The following IRF3 variants were observed in gnomAD, a reference collection of about 807,000 sequenced individuals.
The protein encoded by IRF3 is interferon regulatory factor 3.
IRF3 carries 29 observed loss-of-function variants against 43.2 expected under a neutral mutation model. The observed-to-expected ratio is 0.67, with a 90% CI of 0.50 to 0.91. The LOEUF is 0.91. Ranked by LOEUF, IRF3 falls within the 40% of genes least tolerant of loss-of-function variation. The probability of loss-of-function intolerance (pLI) is 0.00; values close to 1 mark genes in which losing one functional copy is unlikely to be tolerated. For missense variants in IRF3, 505 were observed against 559.1 expected (o/e 0.90, Z 0.98); for synonymous variants, 228 against 233.9 (o/e 0.97, Z 0.23).
chr19:49,665,804 G>T lies in IRF3; in HGVS notation c.-182C>A. On this transcript the variant is annotated 5_prime_UTR_variant, in exon 1 of 8. Transcript: ENST00000377139. ...ATAAAACCAACTTTATCATTCTTTGGGTAACAGACCCAAAAGCCGATGGGA... is the reference window on the plus strand; with the variant it reads ...ATAAAACCAACTTTATCATTCTTTGTGTAACAGACCCAAAAGCCGATGGGA... 2 of 1,577,828 alleles carry T rather than the reference G, an allele frequency of 1.3e-6. No homozygotes were observed. The highest frequency in any genetic ancestry group is 2.2e-5 in the South Asian group (2 of 89,724).
chr19:49,663,609 C>T, intron 2 of IRF3, 95 bp from the exon 3 acceptor site: 1 of 1,210,250 alleles, frequency 8.3e-7, no homozygotes, highest in Non-Finnish European at 1.2e-6. Flanking sequence ...ACACCACCCT[C>T]TTTCCCTGGC....
chr19:49,664,284 T>C (rs2081519636), intron 2 of IRF3, among the ~76,000 whole-genome samples: 1 of 151,906 alleles, frequency 6.6e-6, no homozygotes, highest in Admixed American at 6.6e-5. Context: ...TTACCACCTC[T>C]GGCATATACT....
In IRF3 at chr19:49,660,749, C is replaced by T. The variant is rs773201962; in HGVS notation, c.1062G>A (p.Gln354=). The change falls in exon 7 of 8, where the codon CAG becomes CAA. Residue 354 remains glutamine (Q), a synonymous_variant. Coordinates refer to ENST00000377139, the MANE Select transcript of IRF3 (RefSeq NM_001571.6). ...LWFCVGESWP[Q]DQPWTKRLVM... is the part of the protein sequence containing the mutation. Reference sequence around the variant, plus strand: ...CGAGCCTCTTGGTCCACGGCTGGTCCTGGGGCCATGACTCCCCCACACAGA... The same window carrying T: ...CGAGCCTCTTGGTCCACGGCTGGTCTTGGGGCCATGACTCCCCCACACAGA... 1.2e-6 allele frequency: 2 copies of T among 1,610,204 alleles called. No homozygotes were observed. Among genetic ancestry groups the T allele is most frequent in the East Asian group, 4.5e-5 (2 of 44,748 alleles).
rs2081362606 is a variant in IRF3, at chr19:49,662,166, C to T, written c.764G>A (p.Arg255Lys). 2.5e-6 allele frequency: 4 copies of T among 1,613,974 alleles called. No individual in the cohort carries two copies. Among genetic ancestry groups the T allele is most frequent in the Non-Finnish European group, 3.4e-6 (4 of 1,179,854 alleles). ...LPDPGMSLTD[R>K]GVMSYVRHVL... Reference sequence around the variant, plus strand: ...ATGCCTCACGTAGCTCATCACTCCCCTGTCTGTCAGGGACATGCCAGGGTC... The same window carrying T: ...ATGCCTCACGTAGCTCATCACTCCCTTGTCTGTCAGGGACATGCCAGGGTC... The change falls in exon 6 of 8, where the codon AGG (arginine) becomes AAG (lysine). Residue 255 changes from arginine (R) to lysine (K), a missense_variant. Arg to Lys is a conservative substitution (Grantham distance 26). Transcript: ENST00000377139.
Position 49,662,018 on chromosome 19 carries a change from C to T in IRF3, c.912G>A (p.Gly304=), listed in dbSNP as rs199632086. 6.2e-7 allele frequency: 1 copy of T among 1,614,092 alleles called. No homozygotes were observed. The highest frequency in any genetic ancestry group is 1.3e-5 in the African/African-American group (1 of 75,060). ...TGGGGACCTCGCCATCAGGCCCATG[C>T]CCGCTGTTGGGGAGCAGCTCCTCGC... ...AVSEELLPNS[G]HGPDGEVPKD... is the part of the protein sequence containing the mutation. Residue 304 remains glycine (G), a synonymous_variant, in exon 6 of 8, where the codon GGG becomes GGA. Transcript: ENST00000377139.
At chr19:49,663,759 A>C (rs1024105411) in intron 2 of IRF3, 3 of 502,246 alleles carry the variant, frequency 6.0e-6, no homozygotes, top group Non-Finnish European at 1.1e-5. Context: ...GCAATGGTGC[A>C]ATCTCAGCTC....
At chr19:49,663,046 G>C in intron 4 of IRF3, 142 bp downstream of exon 4, 1 of 765,898 alleles carries the variant, frequency 1.3e-6, no homozygotes, top group Non-Finnish European at 2.3e-6. Flanking sequence ...GGAGACCGGG[G>C]CAGGGACAGA....
At chr19:49,664,023 GT>G (rs1186608394) in intron 2 of IRF3, among the ~76,000 whole-genome samples, 1 of 152,106 alleles carries the variant, frequency 6.6e-6, no homozygotes, top group African/African-American at 2.4e-5. Context: ...AACCTCTTTG[GT>G]TTTTGTTTTG....
intron 1 of IRF3, chr19:49,665,105 C>T: frequency 4.4e-6 from 2 of 459,490 alleles, no homozygotes; most frequent in East Asian, 3.8e-5. Flanking sequence ...CCCTCAATTC[C>T]GCCAGTATAG....
intron 2 of IRF3, 181 bp downstream of exon 2, chr19:49,664,493 G>T (rs979534964): frequency 1.9e-6 from 3 of 1,555,134 alleles, no homozygotes; most frequent in East Asian, 2.4e-5. Flanking sequence ...CCCTGCTTGC[G>T]CCCCACCATC....
intron 4 of IRF3, 125 bp downstream of exon 4, chr19:49,663,063 C>T: frequency 2.3e-6 from 2 of 861,172 alleles, no homozygotes; most frequent in Non-Finnish European, 3.9e-6. Flanking sequence ...CAGACAGGGT[C>T]AGCACTGGCT....
At chr19:49,661,793 C>T (rs2081342040) in intron 6 of IRF3, 155 bp downstream of exon 6, 1 of 839,418 alleles carries the variant, frequency 1.2e-6, no homozygotes, top group Non-Finnish European at 1.9e-6. Context: ...GTTGACCAGG[C>T]TGGTCTCGAA....
Position 49,661,977 on chromosome 19 carries a change from C to A in IRF3, c.953G>T (p.Gly318Val), listed in dbSNP as rs779185798. 1 of 1,612,386 alleles carries A rather than the reference C, an allele frequency of 6.2e-7. No homozygotes were observed. Among genetic ancestry groups the A allele is most frequent in the East Asian group, 2.2e-5 (1 of 44,780 alleles). ...DGEVPKDKEGGVFDLGPFIVD... is the reference protein window; with the variant it reads ...DGEVPKDKEGVVFDLGPFIVD... ...AATGAAGGGCCCCAGGTCAAACACG[C>A]CTCCTTCCTTGTCCTTGGGGACCTC... is the stretch of plus-strand genomic sequence containing the variant. The change falls in exon 6 of 8, where the codon GGC becomes GTC. Residue 318 changes from glycine to valine, a missense_variant. Transcript: ENST00000377139.
chr19:49,665,450 C>T lies in IRF3; in HGVS notation c.-9+181G>A, dbSNP rs199755093. On this transcript the variant is annotated intron_variant, in intron 1 of 7. Transcript: ENST00000377139. ...GTAGACGCCTCCTCTTTTCCTCTTT[C>T]CTCCCTACTTTTTCTAGTTTTTCTG... 8.0e-5 allele frequency: 16 copies of T among 199,922 alleles called. No individual in the cohort carries two copies. In the East Asian group the frequency reaches 1.9e-3, roughly 24 times the overall value. 12.4% of individuals were successfully genotyped at this position (199,922 alleles called of 1,614,324 possible).
intron 1 of IRF3, 71 bp from the exon 2 acceptor site, chr19:49,664,917 C>T (rs34739574): frequency 0.12 from 176,553 of 1,482,002 alleles, 11,452 homozygotes; most frequent in Middle Eastern, 0.13. Flanking sequence ...GTTTCCGCAC[C>T]CAGACCTCCT....
At chr19:49,662,751 G>T (rs2081396235) in intron 4 of IRF3, 134 bp from the exon 5 acceptor site, 1 of 718,844 alleles carries the variant, frequency 1.4e-6, no homozygotes, top group Non-Finnish European at 2.3e-6. Context: ...CCAGCCTGGG[G>T]ACAGAGCCAG....
chr19:49,660,333 A>G (rs895986398), intron 7 of IRF3, among the ~76,000 whole-genome samples: 29 of 152,178 alleles, frequency 1.9e-4, no homozygotes, highest in African/African-American at 6.8e-4. Flanking sequence ...CGGCAGCATT[A>G]GATTCTCAGA....
rs771402454 is a variant in IRF3 at position 49,663,376 on chromosome 19, C to T, written c.304G>A (p.Asp102Asn). Residue 102 changes from aspartate (D) to asparagine (N), a missense_variant, in exon 3 of 8, where the codon GAC becomes AAC. Physicochemically the swap from Asp to Asn is conservative, Grantham distance 23. Coordinates refer to ENST00000377139, the MANE Select transcript of IRF3 (RefSeq NM_001571.6). Reference protein sequence around the residue: ...LAEDRSKDPHDPHKIYEFVNS... With the variant: ...LAEDRSKDPHNPHKIYEFVNS... ...ACAAACTCGTAGATTTTATGTGGGT[C>T]GTGAGGGTCCTTGCTCCGGTCCTCT... 40 of 1,614,066 alleles carry T rather than the reference C, an allele frequency of 2.5e-5. 1 individual carries two copies. The highest frequency in any genetic ancestry group is 8.3e-5 in the Admixed American group (5 of 60,000).
At position 49,663,516 on chromosome 19, in the gene IRF3, T is replaced by C. The variant is rs868823410; in HGVS notation, c.166-2A>G. 5 of 1,613,722 alleles carry C rather than the reference T, an allele frequency of 3.1e-6. No homozygotes were observed. The highest frequency in any genetic ancestry group is 4.2e-6 in the Non-Finnish European group (5 of 1,179,856). ...TGCACCAGTGGCCTCGGCCCAGGCC[T>C]GGGGCAACAGTGGTGTCAGGATGGT... is the stretch of plus-strand genomic sequence containing the variant. On this transcript the variant is annotated splice_acceptor_variant, in intron 2 of 7. Transcript: ENST00000377139. LOFTEE classifies it high-confidence loss of function.
Sources: allele counts gnomAD v4.1 joint callset (sites outside exome capture counted in the v4.1 genomes callset), GRCh38; gene constraint gnomAD v4.1.1; transcripts MANE v1.5; gene names NCBI Gene and HGNC (gene_info 2026-07-23, HGNC 2026-07-21).